The following TENM3 variants were observed in gnomAD, a reference collection of about 807,000 sequenced individuals.
TENM3 encodes teneurin-3.
A neutral mutation model predicts 255.1 loss-of-function variants in TENM3; 63 were observed. The observed-to-expected ratio is 0.25, with a 90% CI of 0.20 to 0.30. TENM3 has a LOEUF of 0.30. Ranked by LOEUF, TENM3 falls within the 10% of genes least tolerant of loss-of-function variation. TENM3 has a pLI of 1.00. For synonymous variants in TENM3, 1,306 were observed against 1,322.3 expected (o/e 0.99, Z 0.27); for missense variants, 2,929 against 3,461.1 (o/e 0.85, Z 3.86).
At chr4:181,827,893 A>G in the TENM3 span, among the ~76,000 whole-genome samples, 1 of 152,198 alleles carries the variant, frequency 6.6e-6, no homozygotes, top group Non-Finnish European at 1.5e-5. Context: ...AAGAGAGGCC[A>G]AGACAGGGCT....
chr4:182,609,505 A>G (rs865998792), intron 4 of TENM3, among the ~76,000 whole-genome samples: 13 of 152,182 alleles, frequency 8.5e-5, no homozygotes, highest in Admixed American at 2.0e-4. Context: ...CAATTAACCA[A>G]CTAAACTTAA....
chr4:181,889,842 TTTC>T, the TENM3 span, among the ~76,000 whole-genome samples: 1 of 152,314 alleles, frequency 6.6e-6, no homozygotes, highest in East Asian at 1.9e-4. Flanking sequence ...TGCTTTTATT[TTTC>T]TTCTTCATTA....
At chr4:181,981,441 TAA>T in the TENM3 span, among the ~76,000 whole-genome samples, 7 of 152,262 alleles carry the variant, frequency 4.6e-5, no homozygotes, top group African/African-American at 1.7e-4. Flanking sequence ...AAAATGTATA[TAA>T]GACAAATCAC....
chr4:182,113,200 C>T, the TENM3 span, among the ~76,000 whole-genome samples: 4 of 152,198 alleles, frequency 2.6e-5, no homozygotes, highest in Non-Finnish European at 4.4e-5. Flanking sequence ...CCGGAGACAA[C>T]ACTGGAAAAA....
At chr4:181,982,658 A>G in the TENM3 span, among the ~76,000 whole-genome samples, 1 of 152,162 alleles carries the variant, frequency 6.6e-6, no homozygotes, top group Admixed American at 6.6e-5. Flanking sequence ...TTACCCAGGG[A>G]GTAATTTACA....
At chr4:181,925,014 C>T in the TENM3 span, among the ~76,000 whole-genome samples, 333 of 152,262 alleles carry the variant, frequency 2.2e-3, 1 homozygote, top group South Asian at 0.012. Context: ...ATAGTATTTT[C>T]GGTAAGTGTG....
the TENM3 span, among the ~76,000 whole-genome samples, chr4:182,069,215 A>G: frequency 6.6e-6 from 1 of 152,228 alleles, no homozygotes; most frequent in South Asian, 2.1e-4. Context: ...GAGAATAATA[A>G]ACAAGGCAGC....
the TENM3 span, among the ~76,000 whole-genome samples, chr4:181,554,635 A>ATGTTATTAAATT: frequency 6.6e-6 from 1 of 152,160 alleles, no homozygotes; most frequent in South Asian, 2.1e-4. Flanking sequence ...CACCTCATGG[A>ATGTTATTAAATT]TGTTATTAAA....
chr4:182,146,885 A>T (rs971392400), intron 1 of TENM3, among the ~76,000 whole-genome samples: 1 of 152,098 alleles, frequency 6.6e-6, no homozygotes, highest in African/African-American at 2.4e-5. Context: ...GGCTGTGTTT[A>T]TTTTCTAGAA....
chr4:181,793,714 C>G, the TENM3 span, among the ~76,000 whole-genome samples: 1 of 152,158 alleles, frequency 6.6e-6, no homozygotes, highest in Admixed American at 6.5e-5. Flanking sequence ...GTCTTGAAAG[C>G]TATTCTAACT....
At chr4:182,610,439 G>A (rs1157406084) in intron 4 of TENM3, among the ~76,000 whole-genome samples, 1 of 152,148 alleles carries the variant, frequency 6.6e-6, no homozygotes, top group African/African-American at 2.4e-5. Flanking sequence ...CCAGCACTTT[G>A]GGAGGCTGAG....
intron 2 of TENM3, among the ~76,000 whole-genome samples, chr4:182,325,164 T>C (rs1270796230): frequency 2.6e-5 from 4 of 152,292 alleles, no homozygotes; most frequent in Admixed American, 2.0e-4. Context: ...AAAAATAAAT[T>C]AAACTTTAAT....
intron 2 of TENM3, among the ~76,000 whole-genome samples, chr4:182,324,835 C>A (rs150074758): frequency 1.3e-5 from 2 of 152,156 alleles, no homozygotes; most frequent in East Asian, 3.9e-4. Context: ...TTCCTAGTTT[C>A]CCACAATGTA....
intron 1 of TENM3, among the ~76,000 whole-genome samples, chr4:182,233,730 C>T (rs1334323879): frequency 6.6e-6 from 1 of 152,180 alleles, no homozygotes; most frequent in East Asian, 1.9e-4. Flanking sequence ...TACCAAAGGA[C>T]AATGTCCTAG....
chr4:182,067,615 C>T, the TENM3 span, among the ~76,000 whole-genome samples: 6 of 152,144 alleles, frequency 3.9e-5, no homozygotes, highest in Non-Finnish European at 7.4e-5. Flanking sequence ...CCCAAGTGGG[C>T]TTTTAAGAGC....
rs747317091 is a variant in TENM3, at chr4:182,324,215, T to A, written c.195T>A (p.Asp65Glu). The A allele has an allele frequency of 2.4e-5, 38 of 1,613,806 alleles. No homozygotes were observed. The highest frequency in any genetic ancestry group is 3.1e-5 in the Non-Finnish European group (37 of 1,179,864). The change falls in exon 2 of 28, where the codon GAT becomes GAA. Residue 65 changes from aspartate (D) to glutamate (E), a missense_variant. By Grantham distance (45) the Asp-to-Glu change is conservative (BLOSUM62 2). This residue lies in a region of TENM3 where 283 missense variants were observed against 256.9 expected (regional missense o/e 1.10). Transcript: ENST00000511685. ...TGCTTTACGGCAACAGAGTGAAGGA[T>A]TTGGTTCACAGAGAAGCAGACGAGT... The part of the protein sequence containing the change: ...SRLLYGNRVK[D>E]LVHREADEFT...
intron 6 of TENM3, among the ~76,000 whole-genome samples, chr4:182,663,053 T>C (rs1343552698): frequency 6.6e-6 from 1 of 152,214 alleles, no homozygotes; most frequent in Admixed American, 6.5e-5. Flanking sequence ...GATGTCCTTA[T>C]ATCTCTACAT....
rs762426233 is a variant in TENM3, at chr4:182,753,460, T to C, written c.3873T>C (p.Val1291=). 6.2e-7 allele frequency: 1 copy of C among 1,612,694 alleles called. No homozygotes were observed. The highest frequency in any genetic ancestry group is 1.7e-5 in the Admixed American group (1 of 59,796). ...ATLMSPKGMA[V]DKNGLIYFVD... is the part of the protein sequence containing the mutation. ...TTCTCTCAAATACAGGAATGGCAGT[T>C]GATAAGAATGGATTAATCTACTTTG... The change falls in exon 21 of 28, where the codon GTT becomes GTC. Residue 1291 remains valine (V), a synonymous_variant. Transcript: ENST00000511685.
chr4:181,605,561 A>AGAAG, the TENM3 span, among the ~76,000 whole-genome samples: 3 of 29,998 alleles, frequency 1.0e-4, 1 homozygote, highest in Non-Finnish European at 3.2e-4. Context: ...AAAGAAAGAA[A>AGAAG]GAAAGAAAGA....
Sources: allele counts gnomAD v4.1 joint callset (sites outside exome capture counted in the v4.1 genomes callset), GRCh38; gene constraint gnomAD v4.1.1; regional missense constraint gnomAD v4.1.1; transcripts MANE v1.5; gene names NCBI Gene and HGNC (gene_info 2026-07-23, HGNC 2026-07-21).